KCNB2: variants seen among roughly 807,000 people sequenced by gnomAD.
KCNB2 encodes potassium voltage-gated channel subfamily B member 2, also known as delayed rectifier potassium channel protein.
A neutral mutation model predicts 61.5 loss-of-function variants in KCNB2; 15 were observed. The ratio of observed to expected loss-of-function variants is 0.24; its 90% CI spans 0.16 to 0.38. KCNB2 has a LOEUF of 0.38. Among genes scored for constraint, KCNB2 ranks in the 10% least tolerant of loss-of-function variants. The pLI is 1.00. For synonymous variants in KCNB2, 457 were observed against 446.0 expected (o/e 1.02, Z -0.31); for missense variants, 828 against 1,125.2 (o/e 0.74, Z 3.78).
At chr8:72,612,098 T>A (rs80247446) in intron 2 of KCNB2, among the ~76,000 whole-genome samples, 2,111 of 152,308 alleles carry the variant, frequency 0.014, 41 homozygotes, top group African/African-American at 0.048. Context: ...GTATATCCCA[T>A]GCAATCATTA....
At chr8:72,696,711 A>G (rs982102692) in intron 2 of KCNB2, among the ~76,000 whole-genome samples, 1 of 152,170 alleles carries the variant, frequency 6.6e-6, no homozygotes, top group African/African-American at 2.4e-5. Flanking sequence ...ATCTAAGAGC[A>G]GGTTTTCTGT....
intron 2 of KCNB2, among the ~76,000 whole-genome samples, chr8:72,851,741 C>T (rs1810112416): frequency 6.8e-6 from 1 of 146,012 alleles, no homozygotes; most frequent in South Asian, 2.2e-4. Flanking sequence ...TGCTGCCACT[C>T]CTTTGGAGGG....
chr8:72,686,284 G>A (rs1176657722), intron 2 of KCNB2, among the ~76,000 whole-genome samples: 2 of 152,138 alleles, frequency 1.3e-5, no homozygotes, highest in Non-Finnish European at 2.9e-5. Flanking sequence ...GGCGACCAGT[G>A]TCCTGCTATT....
At chr8:72,793,202 G>T (rs998760443) in intron 2 of KCNB2, among the ~76,000 whole-genome samples, 1 of 152,132 alleles carries the variant, frequency 6.6e-6, no homozygotes, top group African/African-American at 2.4e-5. Context: ...GTTGGTTTCT[G>T]CTTTTACCAA....
At chr8:72,669,132 C>A (rs1013138031) in intron 2 of KCNB2, among the ~76,000 whole-genome samples, 3 of 152,068 alleles carry the variant, frequency 2.0e-5, no homozygotes, top group African/African-American at 7.2e-5. Context: ...ATGAAACTGC[C>A]CACTTTCTGA....
intron 2 of KCNB2, among the ~76,000 whole-genome samples, chr8:72,802,865 C>T (rs1008065156): frequency 6.6e-6 from 1 of 152,194 alleles, no homozygotes; most frequent in African/African-American, 2.4e-5. Context: ...CAGCTTCCTT[C>T]TCCATCTCTT....
intron 2 of KCNB2, among the ~76,000 whole-genome samples, chr8:72,843,503 G>A (rs1228021670): frequency 6.6e-6 from 1 of 152,132 alleles, no homozygotes; most frequent in Non-Finnish European, 1.5e-5. Context: ...TTAATTTTCT[G>A]TCTCATTGAT....
chr8:72,705,644 A>G (rs1451488845), intron 2 of KCNB2, among the ~76,000 whole-genome samples: 1 of 152,232 alleles, frequency 6.6e-6, no homozygotes, highest in Non-Finnish European at 1.5e-5. Flanking sequence ...CTCAGTAGAC[A>G]GGAGGAACTC....
At chr8:72,644,017 G>C (rs1563547334) in intron 2 of KCNB2, among the ~76,000 whole-genome samples, 1 of 152,252 alleles carries the variant, frequency 6.6e-6, no homozygotes, top group East Asian at 1.9e-4. Flanking sequence ...TCTGGGAAAA[G>C]AATGCCCCTT....
At chr8:72,769,195 A>G (rs1244044750) in intron 2 of KCNB2, among the ~76,000 whole-genome samples, 1 of 151,774 alleles carries the variant, frequency 6.6e-6, no homozygotes, top group African/African-American at 2.4e-5. Context: ...AAATTAAGTG[A>G]CATAAAAAGA....
intron 2 of KCNB2, among the ~76,000 whole-genome samples, chr8:72,822,014 C>A (rs1809520433): frequency 6.6e-6 from 1 of 152,222 alleles, no homozygotes; most frequent in African/African-American, 2.4e-5. Context: ...ACTACCACCA[C>A]CAACAGCTCA....
intron 2 of KCNB2, among the ~76,000 whole-genome samples, chr8:72,615,866 T>C (rs749331760): frequency 1.1e-4 from 17 of 152,232 alleles, no homozygotes; most frequent in Non-Finnish European, 2.5e-4. Flanking sequence ...CAGTAGAGTC[T>C]TTAAGCTCTC....
intron 2 of KCNB2, among the ~76,000 whole-genome samples, chr8:72,757,020 A>G (rs1808301032): frequency 6.6e-6 from 1 of 152,192 alleles, no homozygotes; most frequent in South Asian, 2.1e-4. Flanking sequence ...TTTGGAAATC[A>G]TTGGCAGAGC....
intron 2 of KCNB2, among the ~76,000 whole-genome samples, chr8:72,896,655 C>T (rs1805994049): frequency 6.6e-6 from 1 of 152,090 alleles, no homozygotes; most frequent in African/African-American, 2.4e-5. Context: ...AGATCAAATA[C>T]ACTAATTTCA....
At chr8:72,540,163 C>G (rs1806169485) in intron 1 of KCNB2, among the ~76,000 whole-genome samples, 1 of 152,120 alleles carries the variant, frequency 6.6e-6, no homozygotes, top group African/African-American at 2.4e-5. Context: ...AAAGTAGACC[C>G]AAATCTAGGA....
intron 2 of KCNB2, among the ~76,000 whole-genome samples, chr8:72,662,738 C>CT (rs1428909138): frequency 6.6e-6 from 1 of 152,106 alleles, no homozygotes; most frequent in Non-Finnish European, 1.5e-5. Context: ...TCTGGCCTGC[C>CT]TTGAATAGCA....
intron 2 of KCNB2, among the ~76,000 whole-genome samples, chr8:72,747,419 T>A (rs1280274079): frequency 6.6e-6 from 1 of 152,050 alleles, no homozygotes; most frequent in East Asian, 1.9e-4. Context: ...ACTGGTTGGT[T>A]TGCACATGAA....
intron 2 of KCNB2, among the ~76,000 whole-genome samples, chr8:72,697,758 C>T (rs895429392): frequency 6.6e-6 from 1 of 152,120 alleles, no homozygotes; most frequent in African/African-American, 2.4e-5. Flanking sequence ...CAGTTATTCT[C>T]ATTAAAAAAA....
At chr8:72,835,622 T>C (rs543049872) in intron 2 of KCNB2, among the ~76,000 whole-genome samples, 1 of 152,280 alleles carries the variant, frequency 6.6e-6, no homozygotes, top group South Asian at 2.1e-4. Context: ...AGATGTGTAA[T>C]TTGTAAGGAC....
Sources: allele counts gnomAD v4.1 joint callset (sites outside exome capture counted in the v4.1 genomes callset), GRCh38; gene constraint gnomAD v4.1.1; transcripts MANE v1.5; gene names NCBI Gene and HGNC (gene_info 2026-07-23, HGNC 2026-07-21).